GALK2: variants seen among roughly 807,000 people sequenced by gnomAD.
The protein encoded by GALK2 is galactokinase 2, also known as N-acetylgalactosamine kinase.
GALK2 carries 36 observed loss-of-function variants against 52.4 expected under a neutral mutation model. The ratio of observed to expected loss-of-function variants is 0.69; its 90% CI spans 0.53 to 0.91. The LOEUF (loss-of-function observed/expected upper bound fraction) is 0.91, where lower values mean the gene tolerates loss of function less well. Ranked by LOEUF, GALK2 falls within the 40% of genes least tolerant of loss-of-function variation. The pLI is 0.00. For missense variants in GALK2, 579 were observed against 559.1 expected (o/e 1.04, Z -0.36); for synonymous variants, 176 against 199.1 (o/e 0.88, Z 0.98).
upstream of GALK2, among the ~76,000 whole-genome samples, chr15:49,166,709 TCAA>T (rs1299767419): frequency 1.3e-5 from 2 of 152,012 alleles, no homozygotes; most frequent in African/African-American, 2.4e-5. Flanking sequence ...AGACTTGGTC[TCAA>T]CAACAACAAC....
At chr15:49,310,000 C>T (rs1378360559) in intron 8 of GALK2, among the ~76,000 whole-genome samples, 8 of 152,166 alleles carry the variant, frequency 5.3e-5, no homozygotes, top group Admixed American at 5.2e-4. Context: ...TCCTATCTAG[C>T]TACAATTTTG....
chr15:49,236,074 GT>G, intron 4 of GALK2, 133 bp downstream of exon 4: 1 of 647,842 alleles, frequency 1.5e-6, no homozygotes, highest in Non-Finnish European at 2.7e-6. Flanking sequence ...TTGCTAGTTT[GT>G]GTTTCAGAGA....
At chr15:49,206,268 A>G (rs3105867) in intron 2 of GALK2, among the ~76,000 whole-genome samples, 41,682 of 151,172 alleles carry the variant, frequency 0.28, 6,252 homozygotes, top group East Asian at 0.43. Flanking sequence ...TTATTATTAT[A>G]CTTTTTTTAG....
chr15:49,239,125 T>C, intron 4 of GALK2, 96 bp from the exon 5 acceptor site: 2 of 1,007,024 alleles, frequency 2.0e-6, no homozygotes, highest in Non-Finnish European at 3.1e-6. Context: ...TATAAGTCTA[T>C]TGATAGACTT....
intron 1 of GALK2, among the ~76,000 whole-genome samples, chr15:49,196,737 T>C (rs1001894885): frequency 1.3e-5 from 2 of 152,252 alleles, no homozygotes; most frequent in Non-Finnish European, 2.9e-5. Flanking sequence ...TTTCCTTACA[T>C]TGCCTTATAG....
chr15:49,193,478 T>C (rs1347437803), intron 1 of GALK2, among the ~76,000 whole-genome samples: 2 of 152,020 alleles, frequency 1.3e-5, no homozygotes. Flanking sequence ...AACATTTTTA[T>C]ATAGTCAACT....
At chr15:49,159,977 A>G (rs1236166460) in intron 1 of GALK2, among the ~76,000 whole-genome samples, 1 of 152,154 alleles carries the variant, frequency 6.6e-6, no homozygotes, top group Non-Finnish European at 1.5e-5. Flanking sequence ...TATTACATAT[A>G]AGATTAATAA....
chr15:49,293,777 T>C (rs972806348), intron 8 of GALK2, among the ~76,000 whole-genome samples: 3 of 151,980 alleles, frequency 2.0e-5, no homozygotes, highest in Non-Finnish European at 2.9e-5. Context: ...TGTACTTGGG[T>C]CTAGGGAGAC....
intron 8 of GALK2, among the ~76,000 whole-genome samples, chr15:49,294,994 C>T (rs953401039): frequency 6.6e-6 from 1 of 152,038 alleles, no homozygotes; most frequent in African/African-American, 2.4e-5. Flanking sequence ...AAAAGACTGC[C>T]TAAAAGGATG....
At chr15:49,296,296 GC>G (rs1223816978) in intron 8 of GALK2, among the ~76,000 whole-genome samples, 1 of 152,072 alleles carries the variant, frequency 6.6e-6, no homozygotes, top group African/African-American at 2.4e-5. Flanking sequence ...CCTCAAGTAG[GC>G]CCTGGTGTGT....
At chr15:49,169,147 A>G (rs565400528), upstream of GALK2, 5 of 152,424 alleles carry the variant, frequency 3.3e-5, no homozygotes, top group South Asian at 1.0e-3. Context: ...CATGGAGACA[A>G]AGTATGCATA....
chr15:49,274,582 T>G (rs2031326090), intron 5 of GALK2, among the ~76,000 whole-genome samples: 1 of 152,150 alleles, frequency 6.6e-6, no homozygotes, highest in South Asian at 2.1e-4. Flanking sequence ...AATGTTTTCC[T>G]TCAGTAATAA....
chr15:49,350,392 T>G (rs929983421), intron 3 of GALK2, among the ~76,000 whole-genome samples: 4 of 152,232 alleles, frequency 2.6e-5, no homozygotes, highest in African/African-American at 4.8e-5. Context: ...CATACTTATA[T>G]TTCTTTAAAT....
At chr15:49,336,339 G>GAT (rs1394883101), downstream of GALK2, among the ~76,000 whole-genome samples, 6 of 152,364 alleles carry the variant, frequency 3.9e-5, no homozygotes, top group Middle Eastern at 3.4e-3. Flanking sequence ...ACCCATGCCT[G>GAT]ATCTGGCAAA....
intron 2 of GALK2, among the ~76,000 whole-genome samples, chr15:49,213,344 C>CT (rs995923149): frequency 6.6e-6 from 1 of 151,980 alleles, no homozygotes; most frequent in Non-Finnish European, 1.5e-5. Context: ...GTATCTTTTT[C>CT]TTTTTTAAAA....
At chr15:49,312,915 G>T (rs1027585426) in intron 8 of GALK2, among the ~76,000 whole-genome samples, 5 of 152,136 alleles carry the variant, frequency 3.3e-5, no homozygotes, top group South Asian at 2.1e-4. Flanking sequence ...AGTAACAGTG[G>T]CTCATTATGG....
At chr15:49,181,091 T>G (rs2141220512) in intron 1 of GALK2, among the ~76,000 whole-genome samples, 1 of 110,236 alleles carries the variant, frequency 9.1e-6, no homozygotes. Flanking sequence ...TTCCTTCCTC[T>G]TCCCTCCCCC....
At chr15:49,176,552 C>T (rs1320541166) in intron 1 of GALK2, among the ~76,000 whole-genome samples, 1 of 152,008 alleles carries the variant, frequency 6.6e-6, no homozygotes, top group East Asian at 1.9e-4. Flanking sequence ...TATGAAAATA[C>T]ATTTGTTTCT....
At chr15:49,259,801 T>A (rs534696236) in intron 5 of GALK2, among the ~76,000 whole-genome samples, 369 of 146,900 alleles carry the variant, frequency 2.5e-3, no homozygotes, top group African/African-American at 8.7e-3. Context: ...CATTGTTCAA[T>A]TCCCACCTAT....
Sources: gnomAD v4.1 joint callset for allele counts (sites outside exome capture counted in the v4.1 genomes callset) on GRCh38, gnomAD v4.1.1 for gene constraint, MANE v1.5 for transcripts, NCBI Gene and HGNC (gene_info 2026-07-23, HGNC 2026-07-21) for gene names.